The following SASH1 variants were observed in gnomAD, a reference collection of about 807,000 sequenced individuals.
SASH1 encodes SAM and SH3 domain containing 1.
SASH1 carries 44 observed loss-of-function variants against 125.2 expected under a neutral mutation model. The observed-to-expected ratio is 0.35, with a 90% CI of 0.28 to 0.45. The LOEUF (loss-of-function observed/expected upper bound fraction) is 0.45, where lower values mean the gene tolerates loss of function less well. Among genes scored for constraint, SASH1 ranks in the 20% least tolerant of loss-of-function variants. The probability of loss-of-function intolerance (pLI) is 1.00; values close to 1 mark genes in which losing one functional copy is unlikely to be tolerated. For synonymous variants in SASH1, 639 were observed against 649.1 expected, an observed-to-expected ratio of 0.98 and a Z score of 0.24; for missense variants, 1,426 against 1,614.5, an observed-to-expected ratio of 0.88 and a Z score of 2.00.
At chr6:148,224,922 C>A in the SASH1 span, among the ~76,000 whole-genome samples, 1 of 152,156 alleles carries the variant, frequency 6.6e-6, no homozygotes, top group East Asian at 1.9e-4. Flanking sequence ...AAATCTGGGC[C>A]TTTGTATAGG....
chr6:148,423,161 T>C (rs549603431), intron 2 of SASH1, among the ~76,000 whole-genome samples: 1 of 152,336 alleles, frequency 6.6e-6, no homozygotes, highest in South Asian at 2.1e-4. Flanking sequence ...ATGGTCTCCA[T>C]CTCTTGACCT....
chr6:148,373,694 G>A (rs1215806028), intron 1 of SASH1, among the ~76,000 whole-genome samples: 1 of 152,170 alleles, frequency 6.6e-6, no homozygotes, highest in African/African-American at 2.4e-5. Context: ...ACTGGGCTGG[G>A]CGCAGTGGCT....
At chr6:148,236,879 G>A in the SASH1 span, among the ~76,000 whole-genome samples, 1 of 152,132 alleles carries the variant, frequency 6.6e-6, no homozygotes, top group African/African-American at 2.4e-5. Flanking sequence ...AGATCACGAG[G>A]GTTCCATCCT....
intron 4 of SASH1, among the ~76,000 whole-genome samples, chr6:148,449,511 C>A (rs553136443): frequency 6.6e-6 from 1 of 151,852 alleles, no homozygotes; most frequent in African/African-American, 2.4e-5. Context: ...CCTCAGCCTC[C>A]CGAGTAGCTG....
intron 1 of SASH1, among the ~76,000 whole-genome samples, chr6:148,374,992 T>C (rs910620438): frequency 1.3e-5 from 2 of 151,898 alleles, no homozygotes; most frequent in Non-Finnish European, 2.9e-5. Context: ...CCACCACACC[T>C]GGCCTTTTTT....
intron 2 of SASH1, among the ~76,000 whole-genome samples, chr6:148,417,140 A>G (rs929208640): frequency 6.6e-6 from 1 of 152,202 alleles, no homozygotes; most frequent in African/African-American, 2.4e-5. Flanking sequence ...CAGTTACCAG[A>G]ACAAGGCCTT....
chr6:148,408,115 A>C (rs1784451996), intron 2 of SASH1, among the ~76,000 whole-genome samples: 1 of 143,758 alleles, frequency 7.0e-6, no homozygotes, highest in Non-Finnish European at 1.5e-5. Context: ...CATTTTCCTA[A>C]TGTTAGTGAT....
At chr6:148,278,004 T>C (rs1350439922) in intron 1 of SASH1, among the ~76,000 whole-genome samples, 1 of 151,244 alleles carries the variant, frequency 6.6e-6, no homozygotes, top group Admixed American at 6.6e-5. Flanking sequence ...CGTGAGCCAC[T>C]GCTCCCGGCC....
chr6:148,299,565 G>A (rs1023326995), intron 1 of SASH1, among the ~76,000 whole-genome samples: 7 of 151,580 alleles, frequency 4.6e-5, no homozygotes, highest in Non-Finnish European at 8.8e-5. Flanking sequence ...TACTCGGGGG[G>A]CTCAGGAAGG....
chr6:148,526,648 A>T lies in SASH1; in HGVS notation c.1285-805A>T, dbSNP rs567911752. Among the ~76,000 whole-genome samples, 24 of 152,306 alleles carry T rather than the reference A, an allele frequency of 1.6e-4. No individual in the cohort carries two copies. The South Asian group carries it at 5.0e-3, about 32-fold the overall frequency. ...CAGGGAGAAGTTTGTTTTTTAAAAA[A>T]ATGCAGACTAGAATGAGAGATGACC... On this transcript the variant is annotated intron_variant, in intron 11 of 19. Coordinates refer to ENST00000367467, the MANE Select transcript of SASH1 (RefSeq NM_015278.5).
intron 7 of SASH1, among the ~76,000 whole-genome samples, chr6:148,478,138 A>G (rs930560867): frequency 1.3e-5 from 2 of 152,196 alleles, no homozygotes; most frequent in Non-Finnish European, 2.9e-5. Flanking sequence ...TCACAATACA[A>G]AAAAATAGAA....
intron 8 of SASH1, among the ~76,000 whole-genome samples, chr6:148,506,857 T>C (rs1779829061): frequency 2.0e-5 from 3 of 152,162 alleles, no homozygotes; most frequent in Admixed American, 6.5e-5. Flanking sequence ...AAAGGTCTTG[T>C]TGAGGTAGGG....
At chr6:148,333,676 C>T (rs975656814) in intron 1 of SASH1, among the ~76,000 whole-genome samples, 2 of 152,086 alleles carry the variant, frequency 1.3e-5, no homozygotes, top group African/African-American at 4.8e-5. Context: ...ATTCTCCTGC[C>T]TCAGCCTCCT....
At chr6:148,501,897 C>T (rs1386452684) in intron 8 of SASH1, among the ~76,000 whole-genome samples, 2 of 152,126 alleles carry the variant, frequency 1.3e-5, no homozygotes, top group African/African-American at 4.8e-5. Flanking sequence ...CGATTAAAAA[C>T]GATTCAAAGT....
chr6:148,476,387 C>T lies in SASH1; in HGVS notation c.627+2165C>T, dbSNP rs146313234. 1.5e-3 allele frequency among the ~76,000 whole-genome samples: 234 copies of T among 151,614 alleles called. 5 individuals carry two copies. In the East Asian group the frequency reaches 0.032, roughly 21 times the overall value. ...ATCTACAGATTCAGTGCAATCCATA[C>T]CAAAATACCAGTGACATGCTTCACA... On this transcript the variant is annotated intron_variant, in intron 7 of 19. Coordinates refer to ENST00000367467, the MANE Select transcript of SASH1 (RefSeq NM_015278.5).
rs576647739 is a variant in SASH1 at position 148,514,370 on chromosome 6, A to G, written c.776A>G (p.Lys259Arg). The G allele has an allele frequency of 6.2e-7, 1 of 1,604,592 alleles. No homozygotes were observed. The highest frequency in any genetic ancestry group is 1.1e-5 in the South Asian group (1 of 90,766). The change falls in exon 9 of 20, where the codon AAG becomes AGG. Residue 259 changes from lysine to arginine, a missense_variant. By Grantham distance (26) the Lys-to-Arg change is conservative. Coordinates refer to ENST00000367467, the MANE Select transcript of SASH1 (RefSeq NM_015278.5). Reference sequence around the variant, plus strand: ...GAGACTGAGGAGTCGGTGAAGTTTAAGAGGTTACACAAGCTGGTAAACTCC... The same window carrying G: ...GAGACTGAGGAGTCGGTGAAGTTTAGGAGGTTACACAAGCTGGTAAACTCC... ...DDETEESVKF[K>R]RLHKLVNSTR...
chr6:148,390,515 T>G (rs527818545), intron 2 of SASH1, among the ~76,000 whole-genome samples: 2 of 152,184 alleles, frequency 1.3e-5, no homozygotes, highest in Non-Finnish European at 2.9e-5. Flanking sequence ...GGCCGGGCGC[T>G]GTGGCTCACG....
chr6:148,257,330 T>G, the SASH1 span, among the ~76,000 whole-genome samples: 2 of 152,290 alleles, frequency 1.3e-5, no homozygotes, highest in African/African-American at 2.4e-5. Context: ...CTGAGTCACA[T>G]AGGGTTGGCC....
chr6:148,504,695 G>A (rs555865114), intron 8 of SASH1, among the ~76,000 whole-genome samples: 2 of 151,208 alleles, frequency 1.3e-5, no homozygotes, highest in Middle Eastern at 3.4e-3. Flanking sequence ...CACAGTGATC[G>A]CACCAGTATT....
Sources: allele counts gnomAD v4.1 joint callset (sites outside exome capture counted in the v4.1 genomes callset), GRCh38; gene constraint gnomAD v4.1.1; transcripts MANE v1.5; gene names NCBI Gene and HGNC (gene_info 2026-07-23, HGNC 2026-07-21).